The following PCDHA4 variants were observed in gnomAD, a reference collection of about 807,000 sequenced individuals.
The protein encoded by PCDHA4 is protocadherin alpha-4.
In PCDHA4, 49 loss-of-function variants were observed where a neutral mutation model predicts 61.4. That is an observed-to-expected ratio of 0.80 (90% CI 0.63 to 1.01). PCDHA4 has a LOEUF of 1.01. Among genes scored for constraint, PCDHA4 ranks in the 50% least tolerant of loss-of-function variants. The pLI, the probability that PCDHA4 is intolerant of heterozygous loss-of-function variation, is 0.00. For missense variants in PCDHA4, 1,254 were observed against 1,235.8 expected, an observed-to-expected ratio of 1.01 and a Z score of -0.22; for synonymous variants, 590 against 550.3, an observed-to-expected ratio of 1.07 and a Z score of -1.01.
intron 1 of PCDHA4, chr5:140,835,500 A>C: frequency 6.2e-7 from 1 of 1,613,942 alleles, no homozygotes; most frequent in Non-Finnish European, 8.5e-7. Flanking sequence ...CACATTGATT[A>C]GCGTGTTTGA....
At chr5:140,971,181 C>T (rs1364149664) in intron 1 of PCDHA4, among the ~76,000 whole-genome samples, 1 of 152,104 alleles carries the variant, frequency 6.6e-6, no homozygotes, top group Non-Finnish European at 1.5e-5. Context: ...AGCTGTAAGC[C>T]GGAAGCTCAG....
At chr5:140,867,461 T>C (rs1197194209) in intron 1 of PCDHA4, 1 of 152,126 alleles carries the variant, frequency 6.6e-6, no homozygotes, top group African/African-American at 2.4e-5. Context: ...TCTAGTGTTA[T>C]GACAACATTG....
chr5:140,871,291 G>C, intron 1 of PCDHA4: 1 of 1,613,906 alleles, frequency 6.2e-7, no homozygotes, highest in Non-Finnish European at 8.5e-7. Flanking sequence ...CACTGAGGGC[G>C]CGTGCGCGCC....
intron 1 of PCDHA4, among the ~76,000 whole-genome samples, chr5:140,960,324 G>A (rs2095540604): frequency 6.6e-6 from 1 of 152,168 alleles, no homozygotes; most frequent in Non-Finnish European, 1.5e-5. Context: ...AGGGTCCTGT[G>A]AGAAGTACAT....
intron 1 of PCDHA4, among the ~76,000 whole-genome samples, chr5:140,838,485 T>G (rs1233460301): frequency 1.3e-5 from 2 of 151,892 alleles, no homozygotes; most frequent in Non-Finnish European, 2.9e-5. Flanking sequence ...TGTTTTTGAT[T>G]ATTTGCTTTC....
intron 1 of PCDHA4, among the ~76,000 whole-genome samples, chr5:140,838,173 GTGCAATCTCAGCTCACT>G (rs1395754886): frequency 2.7e-5 from 4 of 149,160 alleles, no homozygotes; most frequent in African/African-American, 9.9e-5. Context: ...GAGTGCAGTG[GTGCAATCTCAGCTCACT>G]GCAAAATCCG....
intron 1 of PCDHA4, chr5:140,836,292 C>T (rs1774344523): frequency 1.2e-6 from 2 of 1,613,782 alleles, no homozygotes; most frequent in Non-Finnish European, 1.7e-6. Context: ...GACACGAGCC[C>T]TAGATGAGAC....
chr5:140,831,934 C>T (rs1161923837), intron 1 of PCDHA4, among the ~76,000 whole-genome samples: 1 of 152,026 alleles, frequency 6.6e-6, no homozygotes, highest in African/African-American at 2.4e-5. Context: ...ACTAGTTTTC[C>T]GAAGAGGAAA....
At chr5:140,876,616 A>C (rs2056459535) in intron 1 of PCDHA4, 1 of 1,614,196 alleles carries the variant, frequency 6.2e-7, no homozygotes, top group Non-Finnish European at 8.5e-7. Flanking sequence ...CTCTGGAGCC[A>C]ATGGACAGGT....
intron 1 of PCDHA4, chr5:140,861,672 A>G (rs1581618530): frequency 4.0e-6 from 1 of 248,596 alleles, no homozygotes; most frequent in East Asian, 1.1e-4. Context: ...GCTCTTGATT[A>G]TCGTGTTTCA....
rs150142414 is a variant in PCDHA4, at chr5:140,941,961, T to C, written c.2386-36988T>C. 4.6e-3 allele frequency among the ~76,000 whole-genome samples: 702 copies of C among 152,326 alleles called. 3 individuals are homozygous for C. Among genetic ancestry groups the C allele is most frequent in the African/African-American group, 0.016 (679 of 41,550 alleles). On this transcript the variant is annotated intron_variant, in intron 1 of 3. Transcript: ENST00000530339. Reference sequence around the variant, plus strand: ...TACTTTTGTTTTGAAAACAATAGTATCTTTACTTTCCCTAAACCTTGATAA... The same window carrying C: ...TACTTTTGTTTTGAAAACAATAGTACCTTTACTTTCCCTAAACCTTGATAA...
intron 3 of PCDHA4, among the ~76,000 whole-genome samples, chr5:141,007,395 CA>C (rs35800918): frequency 0.59 from 55,851 of 95,076 alleles, 14,598 homozygotes; most frequent in African/African-American, 0.74. Context: ...TACTAAAATA[CA>C]AAAAAAAAAA....
At chr5:140,948,897 T>C (rs1487067374) in intron 1 of PCDHA4, among the ~76,000 whole-genome samples, 1 of 151,680 alleles carries the variant, frequency 6.6e-6, no homozygotes. Context: ...AGATTTTAAG[T>C]GGATTCTTAG....
rs200002785 is a variant in PCDHA4, at chr5:140,870,350, A to G, written c.2385+60778A>G. On this transcript the variant is annotated intron_variant, in intron 1 of 3. Transcript: ENST00000530339. ...CTGGACAGCGCCCTGGACCGCGAGA[A>G]CGTGTGGGCCTATGAACTGGTGGTG... 1.1e-4 allele frequency: 183 copies of G among 1,614,052 alleles called. 1 individual carries two copies. Among genetic ancestry groups the G allele is most frequent in the Middle Eastern group, 3.3e-4 (2 of 6,084 alleles).
intron 3 of PCDHA4, among the ~76,000 whole-genome samples, chr5:140,991,746 T>C (rs74524919): frequency 0.01 from 1,537 of 152,318 alleles, 24 homozygotes; most frequent in African/African-American, 0.035. Flanking sequence ...GTAGGCTCTT[T>C]CTATCATGCT....
intron 1 of PCDHA4, chr5:140,966,883 T>A (rs155364): frequency 0.52 from 832,487 of 1,587,228 alleles, 220,297 homozygotes; most frequent in African/African-American, 0.71. Flanking sequence ...TACCTGGCCC[T>A]GCGGCCTCCC....
intron 1 of PCDHA4, among the ~76,000 whole-genome samples, chr5:140,916,305 G>T (rs2077519382): frequency 1.3e-5 from 2 of 152,156 alleles, no homozygotes; most frequent in South Asian, 2.1e-4. Context: ...TGGTACCAAA[G>T]GTGCAAGACA....
chr5:141,001,245 C>G (rs1554258043), intron 3 of PCDHA4, among the ~76,000 whole-genome samples: 2 of 152,082 alleles, frequency 1.3e-5, no homozygotes, highest in Non-Finnish European at 2.9e-5. Context: ...TAAATCAACC[C>G]TATGGGGCGG....
chr5:140,943,737 C>T (rs551964655), intron 1 of PCDHA4, among the ~76,000 whole-genome samples: 12 of 152,258 alleles, frequency 7.9e-5, no homozygotes, highest in African/African-American at 2.9e-4. Context: ...TGAAAGTCCA[C>T]AGTCTAAAAG....
Sources: gnomAD v4.1 joint callset for allele counts (sites outside exome capture counted in the v4.1 genomes callset) on GRCh38, gnomAD v4.1.1 for gene constraint, MANE v1.5 for transcripts, NCBI Gene and HGNC (gene_info 2026-07-23, HGNC 2026-07-21) for gene names.